RIN2: variants seen among roughly 807,000 people sequenced by gnomAD.
RIN2 encodes the protein RAB5 interacting protein 2.
In RIN2, 36 loss-of-function variants were observed where a neutral mutation model predicts 78.0. The observed-to-expected ratio is 0.46, with a 90% confidence interval of 0.35 to 0.61. The LOEUF (loss-of-function observed/expected upper bound fraction) is 0.61. Among genes scored for constraint, RIN2 ranks in the 20% least tolerant of loss-of-function variants. RIN2 has a pLI of 0.00. For synonymous variants in RIN2, 466 were observed against 466.8 expected (o/e 1.00, Z 0.02); for missense variants, 1,087 against 1,159.7 (o/e 0.94, Z 0.91).
chr20:19,853,764 A>G (rs2037069689), intron 2 of RIN2, among the ~76,000 whole-genome samples: 1 of 152,130 alleles, frequency 6.6e-6, no homozygotes, highest in South Asian at 2.1e-4. Flanking sequence ...AGTTCTTCGT[A>G]GATTCTGGAT....
intron 3 of RIN2, among the ~76,000 whole-genome samples, chr20:19,896,467 T>C (rs577258908): frequency 5.8e-4 from 88 of 152,304 alleles, no homozygotes; most frequent in Non-Finnish European, 1.0e-3. Flanking sequence ...CTCTGGATGC[T>C]CAAAAGCCAT....
intron 2 of RIN2, among the ~76,000 whole-genome samples, chr20:19,837,736 TTCTTTCTTTTTTC>T (rs1048946654): frequency 2.5e-3 from 59 of 23,294 alleles, no homozygotes; most frequent in African/African-American, 4.0e-3. Context: ...TTCTCCTTGA[TTCTTTCTTTTTTC>T]TCTTTCTTTT....
chr20:19,841,415 C>T (rs947676497), intron 2 of RIN2, among the ~76,000 whole-genome samples: 5 of 151,980 alleles, frequency 3.3e-5, no homozygotes, highest in Non-Finnish European at 7.4e-5. Context: ...GAGTAACAAA[C>T]GCAGCCCCAT....
chr20:19,859,927 GA>G (rs1202875389), intron 2 of RIN2, among the ~76,000 whole-genome samples: 1 of 152,216 alleles, frequency 6.6e-6, no homozygotes, highest in Non-Finnish European at 1.5e-5. Context: ...TCTTGGAAGT[GA>G]AACAAGGAAG....
intron 2 of RIN2, among the ~76,000 whole-genome samples, chr20:19,815,885 G>T (rs985441466): frequency 6.6e-6 from 1 of 152,206 alleles, no homozygotes; most frequent in Non-Finnish European, 1.5e-5. Flanking sequence ...AAGTAAGAAA[G>T]CTTCCCTTTA....
chr20:19,855,769 C>T (rs2037144041), intron 2 of RIN2, among the ~76,000 whole-genome samples: 1 of 152,116 alleles, frequency 6.6e-6, no homozygotes, highest in Non-Finnish European at 1.5e-5. Flanking sequence ...GGAAAAAAAT[C>T]CCAGAGACAA....
chr20:19,961,707 T>G (rs1012379206), intron 6 of RIN2, among the ~76,000 whole-genome samples: 2 of 152,064 alleles, frequency 1.3e-5, no homozygotes, highest in African/African-American at 2.4e-5. Flanking sequence ...GACCATTAAC[T>G]GAGTTAGGGG....
At chr20:19,985,561 T>G (rs1196229974) in intron 9 of RIN2, among the ~76,000 whole-genome samples, 1 of 152,202 alleles carries the variant, frequency 6.6e-6, no homozygotes, top group African/African-American at 2.4e-5. Context: ...ATTTGCTTGT[T>G]ACTAGAAAAA....
chr20:19,931,709 C>CTTTTT (rs57734791), intron 3 of RIN2, among the ~76,000 whole-genome samples: 8,137 of 127,684 alleles, frequency 0.064, 355 homozygotes, highest in African/African-American at 0.14. Context: ...CTCGATTTGC[C>CTTTTT]TTTTTTTTTT....
intron 3 of RIN2, among the ~76,000 whole-genome samples, chr20:19,920,606 C>T (rs1451501990): frequency 1.3e-5 from 2 of 152,238 alleles, no homozygotes; most frequent in African/African-American, 4.8e-5. Flanking sequence ...TCTCTGTGAG[C>T]ATGCGCCAAA....
chr20:19,859,381 G>C (rs2037264277), intron 2 of RIN2, among the ~76,000 whole-genome samples: 1 of 152,242 alleles, frequency 6.6e-6, no homozygotes, highest in Non-Finnish European at 1.5e-5. Context: ...CATTAGGCAA[G>C]AATAGTGCTT....
At chr20:19,773,227 T>C (rs2034196822) in intron 1 of RIN2, among the ~76,000 whole-genome samples, 1 of 152,200 alleles carries the variant, frequency 6.6e-6, no homozygotes. Flanking sequence ...CCTGTTGGAT[T>C]GGGGCTCATC....
At chr20:19,921,414 C>G (rs1165713276) in intron 3 of RIN2, among the ~76,000 whole-genome samples, 1 of 152,196 alleles carries the variant, frequency 6.6e-6, no homozygotes, top group Non-Finnish European at 1.5e-5. Context: ...CGCCTCCTCT[C>G]TGTCCTGATT....
intron 2 of RIN2, among the ~76,000 whole-genome samples, chr20:19,830,712 TAAG>T (rs2036225989): frequency 6.6e-6 from 1 of 152,210 alleles, no homozygotes; most frequent in Admixed American, 6.5e-5. Context: ...AGATGCCCCT[TAAG>T]GAGGGACTTG....
At chr20:19,798,497 T>C (rs528856572) in intron 1 of RIN2, among the ~76,000 whole-genome samples, 1 of 151,920 alleles carries the variant, frequency 6.6e-6, no homozygotes, top group Admixed American at 6.6e-5. Context: ...AGGAAAGCAG[T>C]GGGAAAAAAA....
chr20:19,917,597 G>A (rs1257307284), intron 3 of RIN2, among the ~76,000 whole-genome samples: 2 of 152,256 alleles, frequency 1.3e-5, no homozygotes, highest in African/African-American at 2.4e-5. Flanking sequence ...TCTGTGATTC[G>A]ACTATATTAT....
At position 19,974,784 on chromosome 20, in the gene RIN2, A is replaced by T; in HGVS notation, c.759A>T (p.Lys253Asn). Residue 253 changes from lysine (K) to asparagine (N), a missense_variant, in exon 9 of 13, where the codon AAA becomes AAT. Lys to Asn is a moderately conservative substitution (Grantham distance 94). Around this residue, in one of 8 missense-constraint regions of RIN2, gnomAD observed 706 missense variants for 667.5 expected, o/e 1.06. Coordinates refer to ENST00000255006, the MANE Select transcript of RIN2 (RefSeq NM_018993.4). ...TTATAAATGGAGTGCATTCTATCAAAACCAGGACGCCTTCAGAGCTGGAGT... is the reference window on the plus strand; with the variant it reads ...TTATAAATGGAGTGCATTCTATCAATACCAGGACGCCTTCAGAGCTGGAGT... Reference protein sequence around the residue: ...LCLINGVHSIKTRTPSELECS... With the variant: ...LCLINGVHSINTRTPSELECS... The T allele has an allele frequency of 6.2e-7, 1 of 1,613,994 alleles. No homozygotes were observed. The highest frequency in any genetic ancestry group is 8.5e-7 in the Non-Finnish European group (1 of 1,179,894).
At chr20:19,965,710 C>T (rs2041917253) in intron 7 of RIN2, among the ~76,000 whole-genome samples, 1 of 152,206 alleles carries the variant, frequency 6.6e-6, no homozygotes, top group African/African-American at 2.4e-5. Context: ...CTCCTGGGAT[C>T]AAGCAATTCT....
rs142399537 is a variant in RIN2 at position 19,837,169 on chromosome 20, A to AACACACAC, written c.-37+37458_-37+37465dup. Among the ~76,000 whole-genome samples the AACACACAC allele has an allele frequency of 2.6e-3, 369 of 140,200 alleles. 2 individuals carry two copies. Among genetic ancestry groups the AACACACAC allele is most frequent in the African/African-American group, 8.0e-3 (299 of 37,186 alleles). The allele number at this position is 140,200 out of a possible 152,430, so 92.0% of individuals were successfully genotyped here. A position where few individuals can be genotyped will look rare whatever the true frequency, so the allele number is the denominator to read the frequency against. On this transcript the variant is annotated intron_variant, in intron 2 of 12. Transcript: ENST00000255006. ...CTGAACATCACACACCGCCCCCCCC[A>AACACACAC]ACACACACACACACACACACACACA...
Sources: gnomAD v4.1 joint callset for allele counts (sites outside exome capture counted in the v4.1 genomes callset) on GRCh38, gnomAD v4.1.1 for gene constraint, gnomAD v4.1.1 regional missense constraint, MANE v1.5 for transcripts, NCBI Gene and HGNC (gene_info 2026-07-23, HGNC 2026-07-21) for gene names.